GSK3B: variants seen among roughly 807,000 people sequenced by gnomAD.
GSK3B encodes glycogen synthase kinase-3 beta.
GSK3B carries 15 observed loss-of-function variants against 56.4 expected under a neutral mutation model. The ratio of observed to expected loss-of-function variants is 0.27; its 90% CI spans 0.18 to 0.41. The LOEUF is 0.41. Among genes scored for constraint, GSK3B ranks in the 10% least tolerant of loss-of-function variants. The probability of loss-of-function intolerance (pLI) is 1.00; values close to 1 mark genes in which losing one functional copy is unlikely to be tolerated. For synonymous variants in GSK3B, 181 were observed against 188.9 expected, an observed-to-expected ratio of 0.96 and a Z score of 0.34; for missense variants, 300 against 513.4, an observed-to-expected ratio of 0.58 and a Z score of 4.02.
At chr3:120,070,278 TA>T (rs58003137) in intron 1 of GSK3B, among the ~76,000 whole-genome samples, 4,892 of 136,532 alleles carry the variant, frequency 0.036, 222 homozygotes, top group African/African-American at 0.11. Context: ...ACAGTTTAAA[TA>T]AAAAAAAAAA....
chr3:119,874,174 G>A (rs1453534131), intron 8 of GSK3B, among the ~76,000 whole-genome samples: 7 of 151,992 alleles, frequency 4.6e-5, no homozygotes. Context: ...TATAATTCAG[G>A]GGGAAAATGC....
At chr3:119,844,176 G>A (rs1177259432) in intron 9 of GSK3B, among the ~76,000 whole-genome samples, 2 of 152,168 alleles carry the variant, frequency 1.3e-5, no homozygotes, top group Non-Finnish European at 2.9e-5. Flanking sequence ...CTAAAGCAGT[G>A]TTTAAAGGGA....
intron 1 of GSK3B, among the ~76,000 whole-genome samples, chr3:120,014,703 G>A (rs2057809157): frequency 6.6e-6 from 1 of 152,028 alleles, no homozygotes; most frequent in Non-Finnish European, 1.5e-5. Context: ...TCTAACCTAA[G>A]AGATTAGAAA....
chr3:119,997,383 C>T (rs1217224811), intron 2 of GSK3B, among the ~76,000 whole-genome samples: 1 of 152,112 alleles, frequency 6.6e-6, no homozygotes, highest in African/African-American at 2.4e-5. Context: ...TGGAGGAAGA[C>T]TCCCATTCCC....
chr3:120,063,074 T>G (rs2058251190), intron 1 of GSK3B, among the ~76,000 whole-genome samples: 1 of 152,214 alleles, frequency 6.6e-6, no homozygotes, highest in African/African-American at 2.4e-5. Context: ...AATAATGCTA[T>G]GTTTAAAAAA....
chr3:119,849,287 A>G (rs1375239431), intron 9 of GSK3B, among the ~76,000 whole-genome samples: 1 of 152,226 alleles, frequency 6.6e-6, no homozygotes, highest in Admixed American at 6.5e-5. Flanking sequence ...AGGGAGATAA[A>G]AAGACAACTG....
At chr3:119,852,806 G>A (rs1224723548) in intron 9 of GSK3B, among the ~76,000 whole-genome samples, 1 of 152,132 alleles carries the variant, frequency 6.6e-6, no homozygotes, top group Non-Finnish European at 1.5e-5. Context: ...TAAGTTCTTT[G>A]TAGATTCTGG....
At chr3:120,076,346 T>C (rs1173653319) in intron 1 of GSK3B, among the ~76,000 whole-genome samples, 2 of 151,980 alleles carry the variant, frequency 1.3e-5, no homozygotes, top group Admixed American at 6.6e-5. Context: ...AATGTAAAAA[T>C]AGATGAGACT....
At chr3:119,954,443 C>T (rs1048401041) in intron 2 of GSK3B, among the ~76,000 whole-genome samples, 1 of 151,848 alleles carries the variant, frequency 6.6e-6, no homozygotes, top group Non-Finnish European at 1.5e-5. Flanking sequence ...TTCTGTGCAT[C>T]GGGCTGCAAT....
At chr3:119,851,888 T>C (rs1416391846) in intron 9 of GSK3B, among the ~76,000 whole-genome samples, 1 of 152,238 alleles carries the variant, frequency 6.6e-6, no homozygotes, top group Non-Finnish European at 1.5e-5. Flanking sequence ...GTGTATTTTT[T>C]TAGGCAATAA....
intron 1 of GSK3B, among the ~76,000 whole-genome samples, chr3:120,080,034 C>T (rs529809205): frequency 7.2e-5 from 11 of 152,274 alleles, no homozygotes; most frequent in Admixed American, 3.3e-4. Flanking sequence ...GTGGCACACA[C>T]CTGCAATCCC....
At chr3:119,851,715 C>T (rs1295281385) in intron 9 of GSK3B, among the ~76,000 whole-genome samples, 1 of 152,200 alleles carries the variant, frequency 6.6e-6, no homozygotes, top group Middle Eastern at 3.2e-3. Flanking sequence ...AATAAGCAGA[C>T]ATTCTTTTTC....
chr3:120,070,437 G>A (rs2058317680), intron 1 of GSK3B, among the ~76,000 whole-genome samples: 1 of 151,790 alleles, frequency 6.6e-6, no homozygotes, highest in African/African-American at 2.4e-5. Context: ...CAGAAAGGTA[G>A]TTACTATCAC....
intron 1 of GSK3B, among the ~76,000 whole-genome samples, chr3:120,012,787 C>T (rs2057790345): frequency 6.6e-6 from 1 of 152,192 alleles, no homozygotes; most frequent in Non-Finnish European, 1.5e-5. Context: ...AATCCTCCTG[C>T]CTCAGCTTCC....
intron 3 of GSK3B, among the ~76,000 whole-genome samples, chr3:119,943,427 A>C (rs141125514): frequency 1.5e-3 from 236 of 152,310 alleles, no homozygotes; most frequent in Middle Eastern, 3.4e-3. Context: ...CAAGAGAAAA[A>C]AATCTTTATG....
At chr3:119,925,016 T>C (rs1553734333) in intron 3 of GSK3B, among the ~76,000 whole-genome samples, 1 of 152,186 alleles carries the variant, frequency 6.6e-6, no homozygotes, top group Non-Finnish European at 1.5e-5. Flanking sequence ...ACTGGTGTCA[T>C]GTTCAAGTCA....
rs1553756415 is a variant in GSK3B, at chr3:120,093,897, A to AGGAGGGAGGGAGAG, written c.-477_-464dup. 17 of 139,380 alleles carry AGGAGGGAGGGAGAG rather than the reference A, an allele frequency of 1.2e-4. No individual in the cohort carries two copies. The highest frequency in any genetic ancestry group is 7.4e-4 in the East Asian group (4 of 5,388). 8.6% of individuals were successfully genotyped at this position (139,380 alleles called of 1,614,324 possible). On this transcript the variant is annotated 5_prime_UTR_variant, in exon 1 of 11. Transcript: ENST00000264235. ...CGCTTGAAGAGAAAGGGGGATGGGTAGGAGGGAGGGAGAGGGAGGGAGGGG... is the reference window on the plus strand; with the variant it reads ...CGCTTGAAGAGAAAGGGGGATGGGTAGGAGGGAGGGAGAGGGAGGGAGGGAGAGGGAGGGAGGGG...
intron 7 of GSK3B, among the ~76,000 whole-genome samples, chr3:119,882,608 C>T (rs2056392227): frequency 6.6e-6 from 1 of 152,150 alleles, no homozygotes; most frequent in Non-Finnish European, 1.5e-5. Flanking sequence ...ATATTTACAA[C>T]TTTTTATGTA....
At chr3:120,083,285 G>C (rs1292366688) in intron 1 of GSK3B, among the ~76,000 whole-genome samples, 1 of 152,056 alleles carries the variant, frequency 6.6e-6, no homozygotes, top group Admixed American at 6.5e-5. Context: ...GGAAACTGGA[G>C]AGCCAACCCT....
Sources: allele counts gnomAD v4.1 joint callset (sites outside exome capture counted in the v4.1 genomes callset), GRCh38; gene constraint gnomAD v4.1.1; transcripts MANE v1.5; gene names NCBI Gene and HGNC (gene_info 2026-07-23, HGNC 2026-07-21).